Variants in EBF1 observed in about 807,000 individuals in gnomAD.
EBF1 encodes transcription factor COE1.
Under a neutral mutation model 68.4 loss-of-function variants are expected in EBF1, and 10 were observed. That is an observed-to-expected ratio of 0.15 (90% confidence interval 0.09 to 0.25). EBF1 has a LOEUF of 0.25. EBF1 is among the 10% of genes least tolerant of loss of function. The pLI is 1.00. For missense variants in EBF1, 509 were observed against 794.4 expected (o/e 0.64, Z 4.32); for synonymous variants, 298 against 299.8 (o/e 0.99, Z 0.06).
chr5:158,991,122 T>G (rs780626728), intron 6 of EBF1, among the ~76,000 whole-genome samples: 1 of 152,204 alleles, frequency 6.6e-6, no homozygotes, highest in Non-Finnish European at 1.5e-5. Flanking sequence ...ACTACTGAAC[T>G]TTGATTTCTA....
rs184541711 is a variant in EBF1, at chr5:158,815,979, C to T, written c.778+7197G>A. On this transcript the variant is annotated intron_variant, in intron 8 of 15. Coordinates refer to ENST00000313708, the MANE Select transcript of EBF1 (RefSeq NM_024007.5). ...GGATATTCTTAGCCCTAATGTTTTG[C>T]TCTTACACCTGTCTTCTTTTCTCAA... 2.6e-5 allele frequency among the ~76,000 whole-genome samples: 4 copies of T among 152,308 alleles called. No homozygotes were observed. The East Asian group carries it at 7.7e-4, about 29-fold the overall frequency.
chr5:158,992,670 G>T (rs1158370762), intron 6 of EBF1, among the ~76,000 whole-genome samples: 2 of 151,964 alleles, frequency 1.3e-5, no homozygotes, highest in Non-Finnish European at 2.9e-5. Context: ...TCATCAAGTT[G>T]TTGCAATTGT....
At chr5:158,959,884 G>A (rs1817830685) in intron 6 of EBF1, among the ~76,000 whole-genome samples, 1 of 152,124 alleles carries the variant, frequency 6.6e-6, no homozygotes, top group Non-Finnish European at 1.5e-5. Context: ...TTAAAATCAT[G>A]CAGTAAGAGA....
At chr5:158,789,775 G>A (rs1025270376) in intron 9 of EBF1, among the ~76,000 whole-genome samples, 2 of 152,174 alleles carry the variant, frequency 1.3e-5, no homozygotes, top group African/African-American at 2.4e-5. Flanking sequence ...GGGCAAAAAG[G>A]CCTGGGAAAC....
At chr5:158,981,990 T>C (rs1019973352) in intron 6 of EBF1, among the ~76,000 whole-genome samples, 8 of 152,246 alleles carry the variant, frequency 5.3e-5, no homozygotes, top group Non-Finnish European at 8.8e-5. Flanking sequence ...GATAATATCA[T>C]TTTAAAATTG....
chr5:159,042,418 C>A (rs1260951125), intron 6 of EBF1, among the ~76,000 whole-genome samples: 1 of 152,186 alleles, frequency 6.6e-6, no homozygotes, highest in Admixed American at 6.5e-5. Context: ...TGCATCCCAG[C>A]CCATCCATAT....
At chr5:158,871,834 C>G (rs1013281505) in intron 6 of EBF1, among the ~76,000 whole-genome samples, 1 of 152,160 alleles carries the variant, frequency 6.6e-6, no homozygotes, top group Non-Finnish European at 1.5e-5. Context: ...TCTCTTCCTA[C>G]AGCAATGCAC....
chr5:158,878,791 G>A (rs1186795090), intron 6 of EBF1, among the ~76,000 whole-genome samples: 4 of 152,024 alleles, frequency 2.6e-5, no homozygotes, highest in Non-Finnish European at 5.9e-5. Context: ...TTACAGGGAT[G>A]TGCCACGGTG....
intron 6 of EBF1, among the ~76,000 whole-genome samples, chr5:158,881,413 T>C (rs925413963): frequency 1.8e-4 from 27 of 152,294 alleles, no homozygotes; most frequent in East Asian, 5.8e-4. Flanking sequence ...AGCAACGCAG[T>C]GTAAATTTTA....
chr5:159,084,036 T>C (rs1375689388), intron 5 of EBF1, among the ~76,000 whole-genome samples: 1 of 152,198 alleles, frequency 6.6e-6, no homozygotes, highest in African/African-American at 2.4e-5. Flanking sequence ...CACTCATCTA[T>C]GGGTCACATG....
intron 6 of EBF1, among the ~76,000 whole-genome samples, chr5:159,033,529 C>A (rs183570051): frequency 6.6e-6 from 1 of 152,236 alleles, no homozygotes; most frequent in Admixed American, 6.5e-5. Flanking sequence ...AAAGTTAAAA[C>A]GTCTTTTTCG....
At chr5:158,829,340 C>CT (rs756188252) in intron 7 of EBF1, among the ~76,000 whole-genome samples, 2,483 of 139,624 alleles carry the variant, frequency 0.018, 32 homozygotes, top group African/African-American at 0.028. Context: ...CACACTCAGC[C>CT]TTTTTTTTTT....
chr5:158,801,629 A>G (rs929354747), intron 8 of EBF1, among the ~76,000 whole-genome samples: 7 of 151,790 alleles, frequency 4.6e-5, no homozygotes, highest in Non-Finnish European at 1.0e-4. Flanking sequence ...TGCTTCTTGA[A>G]CAATGGTCAT....
chr5:158,710,909 C>T (rs764431367), intron 14 of EBF1, among the ~76,000 whole-genome samples: 3 of 152,134 alleles, frequency 2.0e-5, no homozygotes, highest in African/African-American at 4.8e-5. Flanking sequence ...AAGAGTCACT[C>T]GCAATGTCCA....
chr5:158,890,337 G>A (rs761268581), intron 6 of EBF1, among the ~76,000 whole-genome samples: 10 of 152,154 alleles, frequency 6.6e-5, no homozygotes, highest in African/African-American at 1.4e-4. Context: ...AAGATGATCC[G>A]CATTTGCTTA....
At chr5:158,839,917 G>C in intron 7 of EBF1, 112 bp downstream of exon 7, 1 of 990,200 alleles carries the variant, frequency 1.0e-6, no homozygotes, top group South Asian at 1.4e-5. Flanking sequence ...AAGGGCCTCA[G>C]CTGCTCTTCA....
chr5:158,811,543 T>C (rs147934566), intron 8 of EBF1, among the ~76,000 whole-genome samples: 1 of 152,192 alleles, frequency 6.6e-6, no homozygotes, highest in Non-Finnish European at 1.5e-5. Context: ...TTAGTAAAAC[T>C]AATAATACTA....
chr5:159,098,336 C>T (rs1783023226), intron 1 of EBF1, among the ~76,000 whole-genome samples: 1 of 152,124 alleles, frequency 6.6e-6, no homozygotes, highest in East Asian at 1.9e-4. Context: ...TAGGGAGCTG[C>T]GAGTGAGAGA....
chr5:159,032,638 G>A (rs548388530), intron 6 of EBF1, among the ~76,000 whole-genome samples: 4 of 152,298 alleles, frequency 2.6e-5, no homozygotes, highest in South Asian at 4.1e-4. Flanking sequence ...ATAAACCAGA[G>A]TCTGTCTGTC....
Sources: allele counts gnomAD v4.1 joint callset (sites outside exome capture counted in the v4.1 genomes callset), GRCh38; gene constraint gnomAD v4.1.1; transcripts MANE v1.5; gene names NCBI Gene and HGNC (gene_info 2026-07-23, HGNC 2026-07-21).